Variants in H2BC5 observed in about 807,000 individuals in gnomAD.
H2BC5 encodes the protein H2B clustered histone 5.
A neutral mutation model predicts 5.7 loss-of-function variants in H2BC5; 9 were observed. The ratio of observed to expected loss-of-function variants is 1.57; its 90% CI spans 0.95 to 2.74. The LOEUF (loss-of-function observed/expected upper bound fraction) is 2.74. Among genes scored for constraint, H2BC5 ranks in the 30% most tolerant of loss-of-function variants. H2BC5 has a pLI of 0.00. For synonymous variants in H2BC5, 133 were observed against 70.9 expected (o/e 1.88, Z -4.40); for missense variants, 175 against 168.8 (o/e 1.04, Z -0.20).
At chr6:26,165,940 G>A (rs765950514) in intron 1 of H2BC5, among the ~76,000 whole-genome samples, 11 of 152,222 alleles carry the variant, frequency 7.2e-5, no homozygotes, top group Non-Finnish European at 1.5e-4. Context: ...GGGTTGGGCT[G>A]TGAATGACAA....
downstream of H2BC5, among the ~76,000 whole-genome samples, chr6:26,162,938 CT>C (rs1305906962): frequency 6.6e-6 from 1 of 151,922 alleles, no homozygotes; most frequent in African/African-American, 2.4e-5. Flanking sequence ...TATGCTTTTT[CT>C]TTTTTAACCT....
At chr6:26,159,662 T>G (rs1764320947), downstream of H2BC5, among the ~76,000 whole-genome samples, 1 of 152,122 alleles carries the variant, frequency 6.6e-6, no homozygotes, top group Non-Finnish European at 1.5e-5. Flanking sequence ...AGTCAAATGT[T>G]GGCTGAGAGG....
chr6:26,158,366 T>C lies in H2BC5; in HGVS notation c.197T>C (p.Phe66Ser). Residue 66 changes from phenylalanine to serine, a missense_variant, in exon 1 of 1, where the codon TTC (phenylalanine) becomes TCC (serine). Phe to Ser is a radical substitution (Grantham distance 155). Coordinates refer to ENST00000377777, the MANE Select transcript of H2BC5 (RefSeq NM_021063.4). ...AAGGCAATGGGGATCATGAATTCCT[T>C]CGTCAACGACATCTTCGAGCGCATC... The part of the protein sequence containing the change: ...SSKAMGIMNS[F>S]VNDIFERIAG... 1 of 1,614,262 alleles carries C rather than the reference T, an allele frequency of 6.2e-7. No individual in the cohort carries two copies. Among genetic ancestry groups the C allele is most frequent in the Non-Finnish European group, 8.5e-7 (1 of 1,180,050 alleles).
At position 26,165,906 on chromosome 6, in the gene H2BC5, ACTTCT is replaced by A. The variant is rs1401397645; in HGVS notation, c.*10-5063_*10-5059del. On this transcript the variant is annotated intron_variant, in intron 1 of 1. Transcript: ENST00000289316. ...TAGATGTGGACATAGAGTATACCTG[ACTTCT>A]CTTCTTCAGCCACTGACTGGGTTGG... Among the ~76,000 whole-genome samples the A allele has an allele frequency of 5.3e-5, 8 of 152,286 alleles. No homozygotes were observed. The East Asian group carries it at 1.3e-3, about 26-fold the overall frequency.
downstream of H2BC5, among the ~76,000 whole-genome samples, chr6:26,159,243 G>GT (rs35999697): frequency 0.081 from 5,002 of 61,442 alleles, 1,066 homozygotes; most frequent in Non-Finnish European, 0.1. Flanking sequence ...TAATTTATAG[G>GT]TTTTTTTTTT....
chr6:26,170,311 C>A (rs942896125), intron 1 of H2BC5, among the ~76,000 whole-genome samples: 1 of 152,194 alleles, frequency 6.6e-6, no homozygotes, highest in African/African-American at 2.4e-5. Flanking sequence ...GGGAGTTCAC[C>A]TGTTTTGCTG....
At chr6:26,164,011 T>G (rs1328644698) in intron 1 of H2BC5, 1 of 389,736 alleles carries the variant, frequency 2.6e-6, no homozygotes, top group African/African-American at 2.1e-5. Flanking sequence ...CTACACCCTT[T>G]CAGATAAGAA....
At chr6:26,167,759 A>G (rs770604258) in intron 1 of H2BC5, among the ~76,000 whole-genome samples, 2 of 152,180 alleles carry the variant, frequency 1.3e-5, no homozygotes, top group Non-Finnish European at 2.9e-5. Flanking sequence ...ATAGTAGAAA[A>G]GATAAGAACT....
intron 1 of H2BC5, among the ~76,000 whole-genome samples, chr6:26,170,722 G>C (rs1355813584): frequency 1.3e-5 from 2 of 152,122 alleles, no homozygotes; most frequent in African/African-American, 4.8e-5. Flanking sequence ...ATGAGCTTTT[G>C]AACTATTTGA....
chr6:26,170,367 T>C (rs1764499428), intron 1 of H2BC5, among the ~76,000 whole-genome samples: 1 of 152,156 alleles, frequency 6.6e-6, no homozygotes, highest in African/African-American at 2.4e-5. Context: ...TGGCAGACTC[T>C]CAAAACGTAT....
At chr6:26,170,448 T>C (rs1346694750) in intron 1 of H2BC5, among the ~76,000 whole-genome samples, 1 of 152,212 alleles carries the variant, frequency 6.6e-6, no homozygotes, top group Admixed American at 6.5e-5. Flanking sequence ...TAGAGGCCAC[T>C]ACTGAGTTGT....
intron 1 of H2BC5, among the ~76,000 whole-genome samples, chr6:26,167,255 C>T (rs1041742739): frequency 2.0e-5 from 3 of 152,124 alleles, no homozygotes; most frequent in Non-Finnish European, 4.4e-5. Flanking sequence ...AAGCAACAGC[C>T]TGCCGAGATC....
In H2BC5 at chr6:26,158,158, A is replaced by T; in HGVS notation, c.-12A>T. ...AGGTGTTTGCAACAGTGTTCTAACT[A>T]TTAACGCTACGATGCCTGAACCTAC... On this transcript the variant is annotated 5_prime_UTR_variant, in exon 1 of 1. Transcript: ENST00000377777. 1 of 1,610,792 alleles carries T rather than the reference A, an allele frequency of 6.2e-7. No homozygotes were observed.
At chr6:26,162,849 C>T (rs56973463), downstream of H2BC5, among the ~76,000 whole-genome samples, 714 of 152,136 alleles carry the variant, frequency 4.7e-3, 6 homozygotes, top group African/African-American at 0.015. Flanking sequence ...CGGTAGTTTC[C>T]TTCTAATCTT....
intron 1 of H2BC5, chr6:26,164,031 A>G: frequency 6.8e-6 from 3 of 441,588 alleles, no homozygotes; most frequent in Non-Finnish European, 4.6e-6. Context: ...ATAGTAAAAG[A>G]ACTTATTGAA....
At chr6:26,160,456 C>G (rs902635345), downstream of H2BC5, among the ~76,000 whole-genome samples, 2 of 141,616 alleles carry the variant, frequency 1.4e-5, no homozygotes, top group Non-Finnish European at 3.0e-5. Flanking sequence ...AATCCCAGCA[C>G]TTCGGGAGGC....
At chr6:26,168,065 G>A (rs999404958) in intron 1 of H2BC5, among the ~76,000 whole-genome samples, 262 of 151,936 alleles carry the variant, frequency 1.7e-3, no homozygotes, top group African/African-American at 6.0e-3. Flanking sequence ...CTGCTTTCCA[G>A]GCCAAATTGA....
chr6:26,162,932 C>G (rs1472350282), downstream of H2BC5, among the ~76,000 whole-genome samples: 3 of 151,938 alleles, frequency 2.0e-5, no homozygotes, highest in African/African-American at 7.3e-5. Flanking sequence ...AAATCATATG[C>G]TTTTTCTTTT....
chr6:26,168,178 G>A (rs909183960), intron 1 of H2BC5, among the ~76,000 whole-genome samples: 1 of 151,916 alleles, frequency 6.6e-6, no homozygotes, highest in Admixed American at 6.6e-5. Context: ...AAAAACTTGG[G>A]CCAGGCCCAG....
Sources: allele counts gnomAD v4.1 joint callset (sites outside exome capture counted in the v4.1 genomes callset), GRCh38; gene constraint gnomAD v4.1.1; transcripts MANE v1.5; gene names NCBI Gene and HGNC (gene_info 2026-07-23, HGNC 2026-07-21).